DMD: variants seen among roughly 807,000 people sequenced by gnomAD.
DMD encodes the protein dystrophin.
A neutral mutation model predicts 330.1 loss-of-function variants in DMD; 63 were observed. The ratio of observed to expected loss-of-function variants is 0.19; its 90% CI spans 0.16 to 0.24. The LOEUF is 0.24. Ranked by LOEUF, DMD falls within the 10% of genes least tolerant of loss-of-function variation. DMD has a pLI of 1.00. For synonymous variants in DMD, 1,223 were observed against 959.8 expected, an observed-to-expected ratio of 1.27 and a Z score of -5.07; for missense variants, 3,344 against 2,684.1, an observed-to-expected ratio of 1.25 and a Z score of -5.43.
intron 43 of DMD, among the ~76,000 whole-genome samples, chrX:32,278,065 C>T: frequency 9.0e-6 from 1 of 110,538 alleles, no homozygotes; most frequent in Non-Finnish European, 1.9e-5. Flanking sequence ...AAATCTTGAG[C>T]CAGACTAATG....
chrX:33,256,858 C>A (rs914547062), intron 1 of DMD, among the ~76,000 whole-genome samples: 3 of 110,684 alleles, frequency 2.7e-5, no homozygotes, highest in African/African-American at 6.5e-5. Flanking sequence ...GACCACTATT[C>A]ATTTTTCCTG....
rs769774274 is a variant in DMD, at chrX:33,016,097, T to C, written c.93+4042A>G. Among the ~76,000 whole-genome samples the C allele has an allele frequency of 4.5e-5, 5 of 110,314 alleles. No individual in the cohort carries two copies. The Admixed American group carries it at 4.9e-4, about 11-fold the overall frequency. ...GAAGGAATTCTTAACAGGACCCTTT[T>C]AGAATTAAAAAAGCTTTATTGGGGG... On this transcript the variant is annotated intron_variant, in intron 2 of 78. Coordinates refer to ENST00000357033, the MANE Select transcript of DMD (RefSeq NM_004006.3).
chrX:31,376,148 G>T (rs745708779), intron 60 of DMD, among the ~76,000 whole-genome samples: 2 of 112,222 alleles, frequency 1.8e-5, no homozygotes, highest in Non-Finnish European at 3.8e-5. Context: ...TAGGCTCTGA[G>T]GAACTGCATG....
At chrX:31,746,310 T>G (rs866627628) in intron 51 of DMD, among the ~76,000 whole-genome samples, 1 of 111,585 alleles carries the variant, frequency 9.0e-6, no homozygotes, top group Admixed American at 9.6e-5. Context: ...TGAACACAGT[T>G]AATCAGAATA....
chrX:32,679,739 C>A (rs768246144), intron 9 of DMD, among the ~76,000 whole-genome samples: 1 of 108,250 alleles, frequency 9.2e-6, no homozygotes, highest in Non-Finnish European at 1.9e-5. Context: ...TTTTAATTGG[C>A]AAAGCGAAAA....
intron 2 of DMD, among the ~76,000 whole-genome samples, chrX:33,005,578 G>A (rs1255606357): frequency 1.9e-5 from 2 of 105,872 alleles, no homozygotes; most frequent in African/African-American, 6.8e-5. Context: ...CAGAAAGTTA[G>A]GAGAGAAATA....
chrX:32,096,278 C>T (rs2096505576), intron 44 of DMD, among the ~76,000 whole-genome samples: 1 of 111,450 alleles, frequency 9.0e-6, no homozygotes, highest in Non-Finnish European at 1.9e-5. Context: ...GTGGTGGAGC[C>T]AAGGTTTGAA....
chrX:32,767,560 A>G (rs1215482021), intron 7 of DMD, among the ~76,000 whole-genome samples: 6 of 111,589 alleles, frequency 5.4e-5, no homozygotes, highest in Non-Finnish European at 7.5e-5. Flanking sequence ...TTTTAGAGGC[A>G]GTCTGAAGTC....
Position 31,119,794 on chromosome X carries a change from G to T in DMD, c.*2125C>A, listed in dbSNP as rs1308255323. 1 of 110,941 alleles carries T rather than the reference G, an allele frequency of 9.0e-6. No individual in the cohort carries two copies. The highest frequency in any genetic ancestry group is 1.9e-5 in the Non-Finnish European group (1 of 53,020). 9.1% of individuals were successfully genotyped at this position (110,941 alleles called of 1,213,427 possible). On this transcript the variant is annotated 3_prime_UTR_variant, in exon 79 of 79. Transcript: ENST00000357033. ...CCAGCGTCACATAAAGGAAAAAAATGCAAGACAAAAACCAAATCTTCATGT... is the reference window on the plus strand; with the variant it reads ...CCAGCGTCACATAAAGGAAAAAAATTCAAGACAAAAACCAAATCTTCATGT...
At chrX:32,735,903 A>G (rs2148112350) in intron 7 of DMD, among the ~76,000 whole-genome samples, 1 of 112,306 alleles carries the variant, frequency 8.9e-6, no homozygotes, top group East Asian at 2.8e-4. Context: ...AACAAAAGCC[A>G]GAACTGACAA....
chrX:32,370,829 T>A (rs1332261689), intron 34 of DMD, among the ~76,000 whole-genome samples: 4 of 111,404 alleles, frequency 3.6e-5, no homozygotes, highest in African/African-American at 1.3e-4. Flanking sequence ...AAACCAGATC[T>A]CTTTAAACTG....
chrX:31,394,894 A>G (rs2060844121), intron 60 of DMD, among the ~76,000 whole-genome samples: 1 of 105,665 alleles, frequency 9.5e-6, no homozygotes, highest in South Asian at 4.5e-4. Context: ...GCTAGGCCTT[A>G]GTTTTGCAGC....
rs144050866 is a variant in DMD, at chrX:31,702,966, T to C, written c.7661-23380A>G. On this transcript the variant is annotated intron_variant, in intron 52 of 78. Coordinates refer to ENST00000357033, the MANE Select transcript of DMD (RefSeq NM_004006.3). ...GCCTCTTGGGTTCAAGCTATTCTCC[T>C]GCCTCAGCCTCCTGAGTAGCTGGGA... Among the ~76,000 whole-genome samples the C allele has an allele frequency of 7.2e-4, 78 of 108,440 alleles. No homozygotes were observed. The East Asian group carries it at 0.022, about 30-fold the overall frequency. The allele number at this position is 108,440 out of a possible 115,157, so 94.2% of individuals were successfully genotyped here. A position where few individuals can be genotyped will look rare whatever the true frequency, so the allele number is the denominator to read the frequency against.
intron 44 of DMD, among the ~76,000 whole-genome samples, chrX:32,180,294 C>CAAAAA (rs2096922903): frequency 9.0e-6 from 1 of 111,609 alleles, no homozygotes; most frequent in Non-Finnish European, 1.9e-5. Flanking sequence ...AATATTACCT[C>CAAAAA]CTTCTAGGTT....
intron 17 of DMD, among the ~76,000 whole-genome samples, chrX:32,532,365 G>T (rs751952998): frequency 8.9e-6 from 1 of 111,833 alleles, no homozygotes; most frequent in African/African-American, 3.3e-5. Context: ...TCCCAGTCAA[G>T]CATTTTATTT....
At position 32,585,317 on chromosome X, in the gene DMD, C is replaced by T. The variant is rs770964145; in HGVS notation, c.1602+10440G>A. Among the ~76,000 whole-genome samples the T allele has an allele frequency of 3.4e-4, 38 of 112,250 alleles. No homozygotes were observed. In the South Asian group the frequency reaches 8.4e-3, roughly 25 times the overall value. On this transcript the variant is annotated intron_variant, in intron 13 of 78. Transcript: ENST00000357033. ...TATACAACAGTGTAACAAAATATCA[C>T]ATGTACTCTATAAGTATGTACAAAT...
intron 22 of DMD, among the ~76,000 whole-genome samples, chrX:32,470,057 T>G (rs1281538842): frequency 8.9e-6 from 1 of 111,877 alleles, no homozygotes; most frequent in Non-Finnish European, 1.9e-5. Context: ...ATTTCACCAC[T>G]TGCAAATTGG....
At chrX:31,181,015 C>T (rs1343263756) in intron 68 of DMD, among the ~76,000 whole-genome samples, 2 of 112,178 alleles carry the variant, frequency 1.8e-5, no homozygotes, top group Non-Finnish European at 3.8e-5. Context: ...GATTCATCTT[C>T]AAACAGTTAC....
At chrX:31,369,557 C>T (rs1273741649) in intron 60 of DMD, among the ~76,000 whole-genome samples, 2 of 111,305 alleles carry the variant, frequency 1.8e-5, no homozygotes, top group Non-Finnish European at 3.8e-5. Context: ...TGAAGCGTAG[C>T]GTTCATAAGA....
Sources: allele counts gnomAD v4.1 joint callset (sites outside exome capture counted in the v4.1 genomes callset), GRCh38; gene constraint gnomAD v4.1.1; transcripts MANE v1.5; gene names NCBI Gene and HGNC (gene_info 2026-07-23, HGNC 2026-07-21).